ANO1: variants seen among roughly 807,000 people sequenced by gnomAD.
ANO1 encodes the protein anoctamin-1.
ANO1 carries 59 observed loss-of-function variants against 124.0 expected under a neutral mutation model. The observed-to-expected ratio is 0.48, with a 90% CI of 0.39 to 0.59. ANO1 has a LOEUF of 0.59. Ranked by LOEUF, ANO1 falls within the 20% of genes least tolerant of loss-of-function variation. ANO1 has a pLI of 0.00. For synonymous variants in ANO1, 529 were observed against 532.0 expected (o/e 0.99, Z 0.08); for missense variants, 1,059 against 1,328.0 (o/e 0.80, Z 3.15).
the ANO1 span, among the ~76,000 whole-genome samples, chr11:69,967,295 C>T: frequency 2.6e-5 from 4 of 151,776 alleles, no homozygotes; most frequent in South Asian, 4.2e-4. Flanking sequence ...AGGCTCCGAG[C>T]GCCTGTATCG....
chr11:70,178,241 A>G (rs980286612), intron 22 of ANO1, among the ~76,000 whole-genome samples: 1 of 152,004 alleles, frequency 6.6e-6, no homozygotes, highest in Admixed American at 6.6e-5. Context: ...AAGTGTTTCC[A>G]CTCCTAAGGG....
chr11:69,994,376 ATGAATGGATGGATGG>A (rs1554998057), intron 1 of ANO1, among the ~76,000 whole-genome samples: 2 of 81,368 alleles, frequency 2.5e-5, no homozygotes, highest in African/African-American at 8.1e-5. Flanking sequence ...GGATGGGTGG[ATGAATGGATGGATGG>A]GTGGGTGGAT....
chr11:70,022,612 A>T (rs1291462751), intron 1 of ANO1, among the ~76,000 whole-genome samples: 5 of 151,700 alleles, frequency 3.3e-5, no homozygotes, highest in Admixed American at 6.6e-5. Context: ...TCTCAAAAAA[A>T]AAAAAGAATG....
chr11:70,177,018 A>G (rs1417291702), intron 22 of ANO1, among the ~76,000 whole-genome samples: 1 of 152,138 alleles, frequency 6.6e-6, no homozygotes, highest in Non-Finnish European at 1.5e-5. Flanking sequence ...ACCTGTCAGG[A>G]CAGGCTCCAT....
chr11:69,986,888 G>A (rs1856053740), intron 1 of ANO1, among the ~76,000 whole-genome samples: 2 of 152,174 alleles, frequency 1.3e-5, no homozygotes, highest in Non-Finnish European at 2.9e-5. Context: ...AGTGTGCAGT[G>A]GGTTTTATTT....
chr11:70,152,498 G>A (rs1405912410), intron 13 of ANO1, 37 bp downstream of exon 13: 1 of 1,606,964 alleles, frequency 6.2e-7, no homozygotes, highest in East Asian at 2.2e-5. Context: ...TCTTCCCACA[G>A]CCTATCTCCC....
At chr11:69,988,511 C>T (rs541264227) in intron 1 of ANO1, among the ~76,000 whole-genome samples, 1 of 152,284 alleles carries the variant, frequency 6.6e-6, no homozygotes, top group Admixed American at 6.5e-5. Flanking sequence ...TCATCAATGT[C>T]ATCACTGCAA....
Position 70,060,610 on chromosome 11 carries a change from G to A in ANO1, c.59-17932G>A, listed in dbSNP as rs185053786. 9.6e-4 allele frequency among the ~76,000 whole-genome samples: 146 copies of A among 152,340 alleles called. 5 individuals carry two copies. The East Asian group carries it at 0.026, about 27-fold the overall frequency. ...GGCAGACAATAAATGTGAAAGGTGT[G>A]AGGAGGATATTAATGCTTGAAGGTT... On this transcript the variant is annotated intron_variant, in intron 1 of 27. Coordinates refer to the ANO1 transcript ENST00000531349.
At chr11:70,171,508 C>A (rs1421203895) in intron 22 of ANO1, among the ~76,000 whole-genome samples, 1 of 152,148 alleles carries the variant, frequency 6.6e-6, no homozygotes, top group Non-Finnish European at 1.5e-5. Context: ...AAGGAGCCCC[C>A]ATCTGTAGAC....
At chr11:70,117,949 T>C (rs1407023313) in intron 8 of ANO1, among the ~76,000 whole-genome samples, 2 of 152,198 alleles carry the variant, frequency 1.3e-5, no homozygotes, top group Non-Finnish European at 1.5e-5. Context: ...ACATCTGGCA[T>C]CGTCTGGGAC....
At chr11:70,108,939 G>A (rs914789620) in intron 6 of ANO1, among the ~76,000 whole-genome samples, 7 of 152,322 alleles carry the variant, frequency 4.6e-5, no homozygotes, top group African/African-American at 1.7e-4. Context: ...AACCCCTTAA[G>A]CCGTAGATAC....
chr11:70,150,333 G>A (rs910620356), intron 12 of ANO1, among the ~76,000 whole-genome samples: 1 of 152,178 alleles, frequency 6.6e-6, no homozygotes, highest in Non-Finnish European at 1.5e-5. Context: ...CAGAGAGAGG[G>A]ACATTCAATA....
In ANO1 at chr11:70,157,727, C is replaced by T. The variant is rs11235443; in HGVS notation, c.1578+706C>T. ...ATTAAATGGGCCGGGTGCAGTGGCT[C>T]ACACCTGTATTCCCAGCACTTTGGG... On this transcript the variant is annotated intron_variant, in intron 16 of 25. Transcript: ENST00000355303. Among the ~76,000 whole-genome samples, 675 of 152,226 alleles carry T rather than the reference C, an allele frequency of 4.4e-3. 6 individuals are homozygous for T. Among genetic ancestry groups the T allele is most frequent in the Non-Finnish European group, 8.2e-3 (555 of 68,008 alleles).
chr11:70,104,234 A>T, intron 4 of ANO1, 84 bp downstream of exon 4: 1 of 1,427,540 alleles, frequency 7.0e-7, no homozygotes. Flanking sequence ...CAGATTGATT[A>T]TCTGTCCCCC....
At chr11:70,167,829 C>T (rs180910981) in intron 21 of ANO1, among the ~76,000 whole-genome samples, 7 of 152,290 alleles carry the variant, frequency 4.6e-5, no homozygotes, top group East Asian at 1.9e-4. Flanking sequence ...GCTGCAAGAT[C>T]GTCCTTACTT....
intron 8 of ANO1, among the ~76,000 whole-genome samples, chr11:70,122,437 C>T (rs533023461): frequency 9.0e-4 from 132 of 147,242 alleles, no homozygotes; most frequent in African/African-American, 3.2e-3. Flanking sequence ...TCTCTCTCCA[C>T]CTCCCCACCT....
intron 1 of ANO1, among the ~76,000 whole-genome samples, chr11:70,052,093 C>T (rs940041581): frequency 6.6e-6 from 1 of 150,762 alleles, no homozygotes; most frequent in African/African-American, 2.5e-5. Context: ...CTCTCCACAC[C>T]ATTTATTGAT....
chr11:70,167,417 A>T, intron 21 of ANO1, 30 bp downstream of exon 21: 9 of 1,595,680 alleles, frequency 5.6e-6, no homozygotes, highest in Non-Finnish European at 7.7e-6. Flanking sequence ...GGCAGGTGAC[A>T]TCAGGATAGA....
intron 22 of ANO1, among the ~76,000 whole-genome samples, chr11:70,174,350 C>T (rs2048601728): frequency 1.3e-5 from 2 of 151,548 alleles, no homozygotes; most frequent in African/African-American, 2.4e-5. Context: ...GAGCCGAGAT[C>T]GCACCACTGC....
Sources: gnomAD v4.1 joint callset for allele counts (sites outside exome capture counted in the v4.1 genomes callset) on GRCh38, gnomAD v4.1.1 for gene constraint, MANE v1.5 for transcripts, NCBI Gene and HGNC (gene_info 2026-07-23, HGNC 2026-07-21) for gene names.